CFAP47: variants seen among roughly 807,000 people sequenced by gnomAD.
CFAP47 encodes the protein cilia- and flagella-associated protein 47.
Under a neutral mutation model 148.1 loss-of-function variants are expected in CFAP47, and 29 were observed. The observed-to-expected ratio is 0.20, with a 90% CI of 0.15 to 0.27. CFAP47 has a LOEUF of 0.27. CFAP47 is among the 10% of genes least tolerant of loss of function. The probability of loss-of-function intolerance (pLI) is 1.00; values close to 1 mark genes in which losing one functional copy is unlikely to be tolerated. For missense variants in CFAP47, 1,872 were observed against 1,697.5 expected, an observed-to-expected ratio of 1.10 and a Z score of -1.81; for synonymous variants, 664 against 577.3, an observed-to-expected ratio of 1.15 and a Z score of -2.15.
At position 36,179,379 on chromosome X, in the gene CFAP47, T is replaced by C; in HGVS notation, c.6061T>C (p.Ser2021Pro). Reference protein sequence around the residue: ...ILVESSTFVSSPTKLTESRQY... With the variant: ...ILVESSTFVSPPTKLTESRQY... ...GGTGGAATCCTCAACATTTGTCTCT[T>C]CGCCAACGAAGTTAACTGAATCCAG... The change falls in exon 40 of 64, where the codon TCG (serine) becomes CCG (proline). Residue 2021 changes from serine to proline, a missense_variant. Transcript: ENST00000378653. The C allele has an allele frequency of 3.4e-6, 1 of 297,464 alleles. No individual in the cohort carries two copies. Among genetic ancestry groups the C allele is most frequent in the Non-Finnish European group, 5.9e-6 (1 of 169,984 alleles). 24.5% of individuals were successfully genotyped at this position (297,464 alleles called of 1,213,427 possible).
At chrX:36,022,920 T>C (rs1937175639) in intron 22 of CFAP47, among the ~76,000 whole-genome samples, 1 of 112,488 alleles carries the variant, frequency 8.9e-6, no homozygotes, top group South Asian at 3.6e-4. Flanking sequence ...TTGAATCCTC[T>C]TTCTGTACAG....
intron 37 of CFAP47, among the ~76,000 whole-genome samples, chrX:36,155,309 G>A (rs953686953): frequency 9.0e-6 from 1 of 111,476 alleles, no homozygotes; most frequent in African/African-American, 3.3e-5. Context: ...CTGACACATG[G>A]TTATTCATTC....
At chrX:36,129,979 T>TA (rs779579753) in intron 33 of CFAP47, among the ~76,000 whole-genome samples, 2 of 111,399 alleles carry the variant, frequency 1.8e-5, no homozygotes, top group African/African-American at 6.5e-5. Context: ...ACAAGCACAT[T>TA]AAAAGATGTT....
At chrX:36,167,008 G>A (rs1470633267) in intron 39 of CFAP47, among the ~76,000 whole-genome samples, 2 of 111,476 alleles carry the variant, frequency 1.8e-5, no homozygotes, top group Non-Finnish European at 1.9e-5. Flanking sequence ...AGCTAATTCA[G>A]TCAACTTCAG....
chrX:36,357,226 G>T (rs1941792783), intron 60 of CFAP47, among the ~76,000 whole-genome samples: 1 of 112,070 alleles, frequency 8.9e-6, no homozygotes, highest in African/African-American at 3.2e-5. Flanking sequence ...TTGAGGCTGA[G>T]ATATTTTTCT....
intron 57 of CFAP47, among the ~76,000 whole-genome samples, chrX:36,340,542 G>T (rs2146978271): frequency 9.0e-6 from 1 of 111,468 alleles, no homozygotes; most frequent in South Asian, 3.8e-4. Context: ...TTTTCTCAGT[G>T]CATTTGCCCC....
At chrX:35,995,328 A>G (rs189074616) in intron 18 of CFAP47, among the ~76,000 whole-genome samples, 64 of 111,888 alleles carry the variant, frequency 5.7e-4, no homozygotes, top group African/African-American at 2.0e-3. Context: ...CCTTATCAAC[A>G]TTAAGAAATC....
At chrX:36,036,236 C>A (rs1441413587) in intron 24 of CFAP47, among the ~76,000 whole-genome samples, 3 of 110,904 alleles carry the variant, frequency 2.7e-5, no homozygotes, top group Non-Finnish European at 5.7e-5. Flanking sequence ...CCCTAGAAGA[C>A]AATGCCCTAC....
At chrX:36,017,434 A>G (rs760413937) in intron 22 of CFAP47, among the ~76,000 whole-genome samples, 1 of 112,361 alleles carries the variant, frequency 8.9e-6, no homozygotes, top group Admixed American at 9.4e-5. Flanking sequence ...GACTGTGCTT[A>G]TGAGTATTAT....
chrX:36,072,221 T>C (rs1381553705), intron 28 of CFAP47, among the ~76,000 whole-genome samples: 2 of 112,345 alleles, frequency 1.8e-5, no homozygotes, highest in African/African-American at 6.4e-5. Context: ...AATGCCAAAA[T>C]GTAGCACATA....
intron 33 of CFAP47, among the ~76,000 whole-genome samples, chrX:36,107,027 C>T (rs767017076): frequency 9.0e-6 from 1 of 111,368 alleles, no homozygotes; most frequent in Non-Finnish European, 1.9e-5. Flanking sequence ...ATAAATGCAC[C>T]ACTGCAGTGC....
At chrX:36,329,320 C>G (rs782512878) in intron 57 of CFAP47, among the ~76,000 whole-genome samples, 15 of 111,467 alleles carry the variant, frequency 1.3e-4, no homozygotes, top group Non-Finnish European at 2.3e-4. Flanking sequence ...ATAAAATAAT[C>G]AGGCAAACTC....
chrX:36,194,508 A>G (rs781906025), intron 42 of CFAP47, among the ~76,000 whole-genome samples: 21 of 111,794 alleles, frequency 1.9e-4, no homozygotes, highest in African/African-American at 6.8e-4. Flanking sequence ...ACACTACTAT[A>G]AAGAACTACC....
At chrX:36,189,347 G>A (rs1003698351) in intron 41 of CFAP47, among the ~76,000 whole-genome samples, 2 of 110,869 alleles carry the variant, frequency 1.8e-5, no homozygotes, top group Non-Finnish European at 3.8e-5. Context: ...GACATCTGCT[G>A]GGGCTCTTGG....
intron 62 of CFAP47, among the ~76,000 whole-genome samples, chrX:36,367,484 G>C (rs1360793464): frequency 8.9e-6 from 1 of 111,877 alleles, no homozygotes; most frequent in Admixed American, 9.5e-5. Context: ...AACCCACGTT[G>C]ATTCCATGTT....
At chrX:36,268,098 A>T (rs1441782615) in intron 49 of CFAP47, among the ~76,000 whole-genome samples, 1 of 113,178 alleles carries the variant, frequency 8.8e-6, no homozygotes, top group Non-Finnish European at 1.9e-5. Flanking sequence ...TCTACAAGTG[A>T]TGTCACATAC....
chrX:35,972,147 AGT>A (rs1159303121), intron 13 of CFAP47, among the ~76,000 whole-genome samples, 182 bp downstream of exon 13: 4 of 112,230 alleles, frequency 3.6e-5, no homozygotes, highest in African/African-American at 1.3e-4. Context: ...GTAAATTTAA[AGT>A]TATATAACCA....
chrX:36,373,959 T>C (rs1244359325), intron 62 of CFAP47, among the ~76,000 whole-genome samples: 3 of 111,740 alleles, frequency 2.7e-5, no homozygotes, highest in Non-Finnish European at 5.7e-5. Flanking sequence ...GCAGAAATGG[T>C]TTACTAATAC....
At chrX:36,211,814 GA>G (rs782717504) in intron 45 of CFAP47, among the ~76,000 whole-genome samples, 129 of 110,560 alleles carry the variant, frequency 1.2e-3, no homozygotes, top group African/African-American at 3.9e-3. Flanking sequence ...TTCTTTTAAA[GA>G]AAAAAAATTG....
Sources: gnomAD v4.1 joint callset for allele counts (sites outside exome capture counted in the v4.1 genomes callset) on GRCh38, gnomAD v4.1.1 for gene constraint, MANE v1.5 for transcripts, NCBI Gene and HGNC (gene_info 2026-07-23, HGNC 2026-07-21) for gene names.